Variants in ZNF675 observed in about 807,000 individuals in gnomAD.
ZNF675 encodes the protein TRAF6 inhibitory zinc finger.
A neutral mutation model predicts 56.1 loss-of-function variants in ZNF675; 36 were observed. That is an observed-to-expected ratio of 0.64 (90% CI 0.49 to 0.85). ZNF675 has a LOEUF of 0.85. Ranked by LOEUF, ZNF675 falls within the 40% of genes least tolerant of loss-of-function variation. ZNF675 has a pLI of 0.00. For synonymous variants in ZNF675, 200 were observed against 218.9 expected (o/e 0.91, Z 0.76); for missense variants, 663 against 654.2 (o/e 1.01, Z -0.15).
Position 23,654,488 on chromosome 19 carries a change from A to G in ZNF675, c.445T>C (p.Tyr149His), listed in dbSNP as rs774837610. The change falls in exon 4 of 4, where the codon TAT becomes CAT. Residue 149 changes from tyrosine (Y) to histidine (H), a missense_variant. By Grantham distance (83) the Tyr-to-His change is moderately conservative. Transcript: ENST00000359788. ...MQSKMFQCDK[Y>H]VKVFNKFSHS... The stretch of plus-strand genomic sequence containing the variant: ...GAAAATTTATTAAAGACTTTCACAT[A>G]TTTATCACATTGAAACATTTTGCTC... 2 of 1,604,352 alleles carry G rather than the reference A, an allele frequency of 1.2e-6. No individual in the cohort carries two copies. The highest frequency in any genetic ancestry group is 1.7e-6 in the Non-Finnish European group (2 of 1,175,602).
At chr19:23,662,608 A>T (rs1331817421) in intron 2 of ZNF675, among the ~76,000 whole-genome samples, 1 of 152,224 alleles carries the variant, frequency 6.6e-6, no homozygotes, top group Non-Finnish European at 1.5e-5. Context: ...CAGGGATCTG[A>T]AACTCATTTA....
chr19:23,664,670 G>A (rs1968125615), intron 1 of ZNF675, among the ~76,000 whole-genome samples: 1 of 152,174 alleles, frequency 6.6e-6, no homozygotes, highest in African/African-American at 2.4e-5. Flanking sequence ...AAACAACATG[G>A]GCGGGAACAG....
intron 2 of ZNF675, among the ~76,000 whole-genome samples, chr19:23,662,813 C>T (rs2144929007): frequency 6.6e-6 from 1 of 152,066 alleles, no homozygotes; most frequent in East Asian, 1.9e-4. Flanking sequence ...AACCCTGTCT[C>T]TACCAAAAAT....
rs753423802 is a variant in ZNF675 at position 23,653,461 on chromosome 19, T to C, written c.1472A>G (p.His491Arg). The C allele has an allele frequency of 5.0e-5, 80 of 1,612,470 alleles. No homozygotes were observed. Among genetic ancestry groups the C allele is most frequent in the Middle Eastern group, 1.6e-4 (1 of 6,080 alleles). ...TTTATGTGTAGTAAGGGATGAGGAG[T>C]GTTTAAAAGCTTTGCCACATTCTTC... is the stretch of plus-strand genomic sequence containing the variant. Reference protein sequence around the residue: ...KCEECGKAFKHSSSLTTHKRI... With the variant: ...KCEECGKAFKRSSSLTTHKRI... The change falls in exon 4 of 4, where the codon CAC becomes CGC. Residue 491 changes from histidine to arginine, a missense_variant. Transcript: ENST00000359788.
Position 23,653,502 on chromosome 19 carries a change from C to T in ZNF675, c.1431G>A (p.Glu477=). Residue 477 remains glutamate, a synonymous_variant, in exon 4 of 4, where the codon GAG becomes GAA. Coordinates refer to ENST00000359788, the MANE Select transcript of ZNF675 (RefSeq NM_138330.3). ...CACATTCTTCACACTTGTAGGGTATCTCTCCAGAATGAATTTTCTTATGTT... is the reference window on the plus strand; with the variant it reads ...CACATTCTTCACACTTGTAGGGTATTTCTCCAGAATGAATTTTCTTATGTT... ...LTEHKKIHSG[E]IPYKCEECGK... The T allele has an allele frequency of 1.2e-6, 2 of 1,613,134 alleles. No individual in the cohort carries two copies. The highest frequency in any genetic ancestry group is 1.7e-6 in the Non-Finnish European group (2 of 1,179,822).
intron 1 of ZNF675, among the ~76,000 whole-genome samples, chr19:23,664,131 G>T (rs1272769543): frequency 6.6e-6 from 1 of 152,130 alleles, no homozygotes; most frequent in East Asian, 1.9e-4. Flanking sequence ...GTCAAAGTTT[G>T]CAAGTACTAA....
chr19:23,657,384 A>C (rs1968001646), intron 3 of ZNF675, among the ~76,000 whole-genome samples: 1 of 152,220 alleles, frequency 6.6e-6, no homozygotes, highest in Admixed American at 6.5e-5. Context: ...TCTCTCACAC[A>C]AAAGAAATAT....
Position 23,653,035 on chromosome 19 carries a change from G to A in ZNF675, c.*191C>T. On this transcript the variant is annotated 3_prime_UTR_variant, in exon 4 of 4. Transcript: ENST00000359788. ...GTATAAACGCTTTCCTGTGCAATAA[G>A]GTTTGAGCCTTAATTAACAGTATTG... The A allele has an allele frequency of 3.6e-6, 2 of 552,842 alleles. No individual in the cohort carries two copies. The highest frequency in any genetic ancestry group is 6.2e-6 in the Non-Finnish European group (2 of 324,918). The allele number at this position is 552,842 out of a possible 1,614,324, so 34.2% of individuals were successfully genotyped here.
chr19:23,653,164 ATT>A lies in ZNF675; in HGVS notation c.*60_*61del. The A allele has an allele frequency of 7.0e-7, 1 of 1,431,386 alleles. No individual in the cohort carries two copies. The highest frequency in any genetic ancestry group is 1.4e-5 in the South Asian group (1 of 70,112). The allele number at this position is 1,431,386 out of a possible 1,614,324, so 88.7% of individuals were successfully genotyped here. ...TTGACACATTCTTTACATTTCTAGAATTTTTCACCAGTATGATTTCCTTTATA... is the reference window on the plus strand; with the variant it reads ...TTGACACATTCTTTACATTTCTAGAATTTCACCAGTATGATTTCCTTTATA... On this transcript the variant is annotated 3_prime_UTR_variant, in exon 4 of 4. Coordinates refer to ENST00000359788, the MANE Select transcript of ZNF675 (RefSeq NM_138330.3).
chr19:23,666,766 TTCTC>T (rs377116111), intron 1 of ZNF675, among the ~76,000 whole-genome samples: 30 of 99,400 alleles, frequency 3.0e-4, no homozygotes, highest in African/African-American at 9.2e-4. Context: ...AGGGAAGTCT[TTCTC>T]TCTTTTTCTC....
intron 3 of ZNF675, 43 bp downstream of exon 3, chr19:23,662,071 C>G: frequency 7.1e-7 from 1 of 1,413,776 alleles, no homozygotes; most frequent in Non-Finnish European, 1.0e-6. Flanking sequence ...CTTTGGACCT[C>G]TCATCAGTGT....
intron 3 of ZNF675, among the ~76,000 whole-genome samples, chr19:23,660,174 G>C (rs1251412825): frequency 6.6e-6 from 1 of 152,138 alleles, no homozygotes; most frequent in Non-Finnish European, 1.5e-5. Flanking sequence ...AGACCCAGCA[G>C]CCTTGTGACA....
At position 23,653,961 on chromosome 19, in the gene ZNF675, G is replaced by C; in HGVS notation, c.972C>G (p.Ser324=). The change falls in exon 4 of 4, where the codon TCC becomes TCG. Residue 324 remains serine, a synonymous_variant. Transcript: ENST00000359788. ...CEECGKAFTQ[S]STLTTHKRIH... ...TTCTCTTATGTGTAGTAAGGGTTGA[G>C]GATTGGGTAAAAGCCTTGCCACATT... 1.2e-6 allele frequency: 2 copies of C among 1,613,870 alleles called. No individual in the cohort carries two copies. The highest frequency in any genetic ancestry group is 1.7e-6 in the Non-Finnish European group (2 of 1,179,914).
At chr19:23,681,108 G>C (rs1168927210) in intron 1 of ZNF675, among the ~76,000 whole-genome samples, 1 of 151,784 alleles carries the variant, frequency 6.6e-6, no homozygotes, top group Non-Finnish European at 1.5e-5. Context: ...ATTTATTTTT[G>C]TGCCCATGAA....
chr19:23,656,089 C>T (rs1396151497), intron 3 of ZNF675: 1 of 151,774 alleles, frequency 6.6e-6, no homozygotes, highest in African/African-American at 2.4e-5. Flanking sequence ...AATCTTCTAA[C>T]AGCAACAACA....
chr19:23,668,890 G>A (rs1449917553), intron 1 of ZNF675, among the ~76,000 whole-genome samples: 1 of 152,170 alleles, frequency 6.6e-6, no homozygotes, highest in Non-Finnish European at 1.5e-5. Context: ...CGCAGCCCCG[G>A]TTCCCGCTCG....
intron 1 of ZNF675, among the ~76,000 whole-genome samples, chr19:23,678,773 C>A (rs898876771): frequency 6.6e-6 from 1 of 151,504 alleles, no homozygotes; most frequent in Admixed American, 6.6e-5. Context: ...AATAATGCCA[C>A]GCACTTAAAA....
In ZNF675 at chr19:23,654,603, A is replaced by C. The variant is rs1305677534; in HGVS notation, c.330T>G (p.Asn110Lys). 1 of 1,611,698 alleles carries C rather than the reference A, an allele frequency of 6.2e-7. No individual in the cohort carries two copies. The highest frequency in any genetic ancestry group is 2.2e-5 in the East Asian group (1 of 44,834). ...LRRYEKCGND[N>K]FQLKGCKSVD... Reference sequence around the variant, plus strand: ...CACTTTTACAGCCTTTTAACTGAAAATTATCATTTCCACATTTTTCATATC... The same window carrying C: ...CACTTTTACAGCCTTTTAACTGAAACTTATCATTTCCACATTTTTCATATC... Residue 110 changes from asparagine to lysine, a missense_variant, in exon 4 of 4, where the codon AAT becomes AAG. Around this residue, in one of 3 missense-constraint regions of ZNF675, gnomAD observed 617 missense variants for 590.5 expected, o/e 1.04. Transcript: ENST00000359788.
intron 3 of ZNF675, among the ~76,000 whole-genome samples, chr19:23,658,849 A>ATAGATATC (rs1568289066): frequency 1.5e-5 from 1 of 64,790 alleles, no homozygotes; most frequent in Admixed American, 2.2e-4. Flanking sequence ...AGATATATCT[A>ATAGATATC]TATAGATATA....
Sources: allele counts gnomAD v4.1 joint callset (sites outside exome capture counted in the v4.1 genomes callset), GRCh38; gene constraint gnomAD v4.1.1; regional missense constraint gnomAD v4.1.1; transcripts MANE v1.5; gene names NCBI Gene and HGNC (gene_info 2026-07-23, HGNC 2026-07-21).